PDZD2: variants seen among roughly 807,000 people sequenced by gnomAD.
PDZD2 encodes PDZ domain-containing protein 2.
Under a neutral mutation model 220.7 loss-of-function variants are expected in PDZD2, and 90 were observed. The ratio of observed to expected loss-of-function variants is 0.41; its 90% CI spans 0.34 to 0.49. PDZD2 has a LOEUF of 0.49. Among genes scored for constraint, PDZD2 ranks in the 20% least tolerant of loss-of-function variants. The pLI is 0.28. For synonymous variants in PDZD2, 1,375 were observed against 1,450.5 expected, an observed-to-expected ratio of 0.95 and a Z score of 1.18; for missense variants, 3,174 against 3,608.5, an observed-to-expected ratio of 0.88 and a Z score of 3.08.
At chr5:32,023,970 A>G (rs1375251320) in intron 6 of PDZD2, among the ~76,000 whole-genome samples, 3 of 152,066 alleles carry the variant, frequency 2.0e-5, no homozygotes, top group African/African-American at 7.2e-5. Flanking sequence ...CCCTTCATCC[A>G]GTTTATCTAC....
intron 1 of PDZD2, among the ~76,000 whole-genome samples, chr5:31,760,648 G>A (rs62350702): frequency 7.2e-5 from 11 of 152,168 alleles, no homozygotes; most frequent in Non-Finnish European, 1.0e-4. Flanking sequence ...GAGGCCAGGC[G>A]TGGTGGCTTA....
At position 32,108,140 on chromosome 5, in the gene PDZD2, T is replaced by C; in HGVS notation, c.*5T>C. 1 of 1,572,814 alleles carries C rather than the reference T, an allele frequency of 6.4e-7. No homozygotes were observed. The highest frequency in any genetic ancestry group is 1.2e-5 in the South Asian group (1 of 85,854). ...AAGCATAGGAATTCTTCATGAATTT[T>C]AACAAGAATCATTTTCTCAGTTCTC... On this transcript the variant is annotated 3_prime_UTR_variant, in exon 25 of 25. Coordinates refer to ENST00000438447, the MANE Select transcript of PDZD2 (RefSeq NM_178140.4).
intron 2 of PDZD2, among the ~76,000 whole-genome samples, chr5:31,882,938 G>C (rs988130633): frequency 6.9e-6 from 1 of 144,144 alleles, no homozygotes; most frequent in African/African-American, 2.6e-5. Flanking sequence ...GCTGAGGCAC[G>C]AGAATCGCTT....
chr5:31,888,176 T>TCTTCTTTTCTCTTTTCTCTTTC (rs1740692519), intron 2 of PDZD2, among the ~76,000 whole-genome samples: 1 of 152,082 alleles, frequency 6.6e-6, no homozygotes, highest in South Asian at 2.1e-4. Flanking sequence ...TTTCCTCTTT[T>TCTTCTTTTCTCTTTTCTCTTTC]CTTCTCTTCT....
intron 2 of PDZD2, among the ~76,000 whole-genome samples, chr5:31,878,197 C>T (rs1373472691): frequency 6.6e-6 from 1 of 152,126 alleles, no homozygotes; most frequent in Admixed American, 6.6e-5. Context: ...TTGGTGGTAA[C>T]TGAAATGTGT....
At chr5:31,712,217 G>A (rs563831238) in intron 1 of PDZD2, 1 of 152,382 alleles carries the variant, frequency 6.6e-6, no homozygotes, top group East Asian at 1.9e-4. Flanking sequence ...TAGAACCCAT[G>A]CCAAACTCAG....
intron 1 of PDZD2, among the ~76,000 whole-genome samples, chr5:31,792,795 A>G (rs774836097): frequency 1.3e-5 from 2 of 151,960 alleles, no homozygotes; most frequent in Non-Finnish European, 2.9e-5. Context: ...TGTAGCAGTT[A>G]AATAAGGTAA....
intron 2 of PDZD2, among the ~76,000 whole-genome samples, chr5:31,940,377 C>T (rs754447247): frequency 1.8e-4 from 27 of 152,220 alleles, no homozygotes; most frequent in Non-Finnish European, 4.0e-4. Context: ...CAGATGGCCT[C>T]AGCAGGGCAC....
chr5:31,950,919 T>G (rs1459925119), intron 2 of PDZD2, among the ~76,000 whole-genome samples: 2 of 152,230 alleles, frequency 1.3e-5, no homozygotes, highest in Non-Finnish European at 2.9e-5. Context: ...AGAAATTTAT[T>G]GCTCACAGTT....
rs1420953100 is a variant in PDZD2 at position 31,696,525 on chromosome 5, A to G, written c.-361+57088A>G. 1.3e-5 allele frequency among the ~76,000 whole-genome samples: 2 copies of G among 151,712 alleles called. 1 individual carries two copies. Among genetic ancestry groups the G allele is most frequent in the Admixed American group, 1.3e-4 (2 of 15,228 alleles). On this transcript the variant is annotated intron_variant, in intron 1 of 24. Transcript: ENST00000438447. ...CACGCTATTGCCAGGCTGATCTCAA[A>G]CTCCTGGCCTCAAGTGATCTACAAG...
Position 32,053,691 on chromosome 5 carries a change from T to G in PDZD2, c.1786-78T>G. ...ACTACAATGGGACAGATGCCTTCAG[T>G]TAAATACTACAATGGGAAAGATGCC... On this transcript the variant is annotated intron_variant, in intron 9 of 24. Coordinates refer to ENST00000438447, the MANE Select transcript of PDZD2 (RefSeq NM_178140.4). The G allele has an allele frequency of 5.9e-6, 5 of 842,816 alleles. No homozygotes were observed. The South Asian group carries it at 6.9e-5, about 12-fold the overall frequency. The allele number at this position is 842,816 out of a possible 1,614,324, so 52.2% of individuals were successfully genotyped here.
chr5:32,039,109 C>CCTCTCCCCCTCTCCCT (rs1755804885), intron 7 of PDZD2, among the ~76,000 whole-genome samples: 1 of 115,852 alleles, frequency 8.6e-6, no homozygotes. Flanking sequence ...CCCCTCTCCC[C>CCTCTCCCCCTCTCCCT]CTCTCCCTCT....
At chr5:31,907,490 G>C (rs1444295198) in intron 2 of PDZD2, among the ~76,000 whole-genome samples, 3 of 152,122 alleles carry the variant, frequency 2.0e-5, no homozygotes, top group African/African-American at 7.2e-5. Context: ...CATAGTATTA[G>C]TCATAAATGA....
chr5:31,649,788 A>C (rs1580515344), intron 1 of PDZD2, among the ~76,000 whole-genome samples: 1 of 151,962 alleles, frequency 6.6e-6, no homozygotes, highest in African/African-American at 2.4e-5. Context: ...AAATATAAAA[A>C]TTAGCCAGGC....
chr5:31,808,794 T>A (rs185436078), intron 2 of PDZD2, among the ~76,000 whole-genome samples: 1 of 151,962 alleles, frequency 6.6e-6, no homozygotes, highest in African/African-American at 2.4e-5. Context: ...CTGGCCAACA[T>A]AGTGAAACCC....
Position 32,074,562 on chromosome 5 carries a change from A to G in PDZD2, c.3456A>G (p.Pro1152=). 6.2e-7 allele frequency: 1 copy of G among 1,614,036 alleles called. No individual in the cohort carries two copies. The highest frequency in any genetic ancestry group is 8.5e-7 in the Non-Finnish European group (1 of 1,179,996). Residue 1152 remains proline (P), a synonymous_variant, in exon 18 of 25, where the codon CCA becomes CCG. Coordinates refer to ENST00000438447, the MANE Select transcript of PDZD2 (RefSeq NM_178140.4). ...ACCTGACTGGCAGAGCCAATGATCC[A>G]TGCGATCTGGACTCGAGAGTCCAGG... The part of the protein sequence containing the change: ...TVNLTGRAND[P]CDLDSRVQAT...
intron 2 of PDZD2, among the ~76,000 whole-genome samples, chr5:31,970,029 G>C (rs1561222561): frequency 6.6e-6 from 1 of 151,944 alleles, no homozygotes. Context: ...CTCCCGAGTA[G>C]CTGGGATTAT....
chr5:31,855,847 C>T (rs1005935123), intron 2 of PDZD2, among the ~76,000 whole-genome samples: 9 of 152,118 alleles, frequency 5.9e-5, no homozygotes, highest in African/African-American at 1.9e-4. Flanking sequence ...CATTTTCTGT[C>T]CTGTAGCTCC....
chr5:31,849,947 TAC>T (rs1462686978), intron 2 of PDZD2, among the ~76,000 whole-genome samples: 1 of 25,530 alleles, frequency 3.9e-5, no homozygotes, highest in African/African-American at 3.2e-4. Flanking sequence ...TATATATATA[TAC>T]ATATATATAT....
Sources: allele counts gnomAD v4.1 joint callset (sites outside exome capture counted in the v4.1 genomes callset), GRCh38; gene constraint gnomAD v4.1.1; transcripts MANE v1.5; gene names NCBI Gene and HGNC (gene_info 2026-07-23, HGNC 2026-07-21).